The following ITGBL1 variants were observed in gnomAD, a reference collection of about 807,000 sequenced individuals.
ITGBL1 encodes the protein integrin subunit beta like 1.
Under a neutral mutation model 68.5 loss-of-function variants are expected in ITGBL1, and 51 were observed. That is an observed-to-expected ratio of 0.74 (90% CI 0.59 to 0.94). The LOEUF (loss-of-function observed/expected upper bound fraction) is 0.94. Among genes scored for constraint, ITGBL1 ranks in the 40% least tolerant of loss-of-function variants. The pLI is 0.00. For missense variants in ITGBL1, 649 were observed against 647.4 expected, an observed-to-expected ratio of 1.00 and a Z score of -0.03; for synonymous variants, 209 against 227.3, an observed-to-expected ratio of 0.92 and a Z score of 0.72.
intron 2 of ITGBL1, among the ~76,000 whole-genome samples, chr13:101,549,092 A>G (rs1208754318): frequency 1.3e-5 from 2 of 151,950 alleles, no homozygotes; most frequent in Non-Finnish European, 2.9e-5. Context: ...AGAGTTGAGA[A>G]AAAGATAAAT....
At chr13:101,474,976 A>C (rs1357496791) in intron 2 of ITGBL1, among the ~76,000 whole-genome samples, 2 of 152,172 alleles carry the variant, frequency 1.3e-5, no homozygotes, top group African/African-American at 4.8e-5. Flanking sequence ...ACAGATACAA[A>C]TAAGCCTGGA....
At chr13:101,453,853 C>T (rs1375366828) in intron 1 of ITGBL1, 30 bp from the exon 2 acceptor site, 4 of 1,228,142 alleles carry the variant, frequency 3.3e-6, no homozygotes, top group East Asian at 3.3e-5. Flanking sequence ...GCGTCTGACC[C>T]GGCCTGCCGG....
chr13:101,637,590 G>T (rs947249770), intron 7 of ITGBL1, among the ~76,000 whole-genome samples: 1 of 152,020 alleles, frequency 6.6e-6, no homozygotes, highest in African/African-American at 2.4e-5. Flanking sequence ...TGATTCACCC[G>T]CCTTGGCCTC....
chr13:101,717,596 C>A (rs767511135), downstream of ITGBL1: 1 of 152,098 alleles, frequency 6.6e-6, no homozygotes, highest in Non-Finnish European at 1.5e-5. Flanking sequence ...TCTATCACGG[C>A]GCTTATCCTC....
chr13:101,553,878 A>G (rs1046728774), intron 2 of ITGBL1, among the ~76,000 whole-genome samples: 5 of 151,956 alleles, frequency 3.3e-5, no homozygotes, highest in African/African-American at 1.2e-4. Flanking sequence ...AGGTTCAAGC[A>G]ATTCAACTGT....
chr13:101,652,896 G>C (rs2139457256), intron 7 of ITGBL1, among the ~76,000 whole-genome samples: 1 of 152,150 alleles, frequency 6.6e-6, no homozygotes, highest in Admixed American at 6.5e-5. Flanking sequence ...TCGAGAGTTT[G>C]AGACCAGCCT....
At chr13:101,614,729 A>G (rs1284748466) in intron 7 of ITGBL1, among the ~76,000 whole-genome samples, 1 of 152,126 alleles carries the variant, frequency 6.6e-6, no homozygotes, top group Non-Finnish European at 1.5e-5. Context: ...AGCCAAGGCG[A>G]GTTTAGCAGT....
At chr13:101,673,021 GCCA>G (rs1242195915) in intron 7 of ITGBL1, among the ~76,000 whole-genome samples, 2 of 152,274 alleles carry the variant, frequency 1.3e-5, no homozygotes, top group African/African-American at 4.8e-5. Flanking sequence ...TGATGTTTGA[GCCA>G]CACGGCAAGT....
chr13:101,699,692 C>T (rs1034261953), intron 8 of ITGBL1, among the ~76,000 whole-genome samples: 9 of 152,276 alleles, frequency 5.9e-5, no homozygotes, highest in Admixed American at 2.0e-4. Flanking sequence ...TCCAAATTAC[C>T]GAGTCTTGGG....
chr13:101,513,497 T>A (rs2049147680), intron 2 of ITGBL1, among the ~76,000 whole-genome samples: 1 of 152,130 alleles, frequency 6.6e-6, no homozygotes, highest in Admixed American at 6.6e-5. Context: ...TTGTTGTTGA[T>A]CATGATGATC....
chr13:101,572,297 T>A (rs1451606622), intron 3 of ITGBL1, among the ~76,000 whole-genome samples: 2 of 151,962 alleles, frequency 1.3e-5, no homozygotes, highest in Non-Finnish European at 2.9e-5. Context: ...AGGAGTTAAA[T>A]GGATTGGGGA....
At position 101,662,820 on chromosome 13, in the gene ITGBL1, T is replaced by C. The variant is rs537487734; in HGVS notation, c.1016-29765T>C. ...AATTATCTTGGAATAGTGAAAAAGATAGTCAATATTTTTTTTTCATATGTC... is the reference window on the plus strand; with the variant it reads ...AATTATCTTGGAATAGTGAAAAAGACAGTCAATATTTTTTTTTCATATGTC... On this transcript the variant is annotated intron_variant, in intron 7 of 10. Coordinates refer to ENST00000376180, the MANE Select transcript of ITGBL1 (RefSeq NM_004791.3). 5.5e-3 allele frequency among the ~76,000 whole-genome samples: 709 copies of C among 128,138 alleles called. 1 individual carries two copies. Among genetic ancestry groups the C allele is most frequent in the African/African-American group, 0.021 (670 of 32,014 alleles). The allele number at this position is 128,138 out of a possible 152,430, so 84.1% of individuals were successfully genotyped here.
intron 7 of ITGBL1, among the ~76,000 whole-genome samples, chr13:101,628,554 T>C (rs1337431232): frequency 6.6e-6 from 1 of 151,592 alleles, no homozygotes; most frequent in Admixed American, 6.6e-5. Context: ...TGCCTCAGCC[T>C]CCCGAGTAGC....
intron 3 of ITGBL1, among the ~76,000 whole-genome samples, chr13:101,568,508 T>A (rs1334188773): frequency 2.6e-5 from 4 of 152,084 alleles, no homozygotes; most frequent in Non-Finnish European, 4.4e-5. Flanking sequence ...TCAGATTTTC[T>A]CAACCGTGGT....
At chr13:101,602,552 G>C (rs148969363) in intron 7 of ITGBL1, among the ~76,000 whole-genome samples, 183 of 151,882 alleles carry the variant, frequency 1.2e-3, no homozygotes, top group African/African-American at 4.3e-3. Flanking sequence ...TTTATGTTGC[G>C]TTTTTCTTTT....
chr13:101,578,756 A>T (rs1262400854), intron 4 of ITGBL1, among the ~76,000 whole-genome samples: 1 of 152,226 alleles, frequency 6.6e-6, no homozygotes, highest in Admixed American at 6.5e-5. Flanking sequence ...GACTAGGCTG[A>T]AAACCTCTCT....
At chr13:101,466,909 C>T (rs1333389403) in intron 2 of ITGBL1, among the ~76,000 whole-genome samples, 1 of 152,012 alleles carries the variant, frequency 6.6e-6, no homozygotes, top group African/African-American at 2.4e-5. Flanking sequence ...AACAAGATAC[C>T]CTAGACTGAG....
intron 7 of ITGBL1, among the ~76,000 whole-genome samples, chr13:101,631,010 A>G (rs184186593): frequency 2.5e-4 from 38 of 152,306 alleles, no homozygotes; most frequent in Non-Finnish European, 5.9e-5. Flanking sequence ...CCAACTGATC[A>G]GACATATGTT....
chr13:101,588,524 C>T (rs145770749), intron 6 of ITGBL1, among the ~76,000 whole-genome samples: 34 of 152,150 alleles, frequency 2.2e-4, no homozygotes, highest in African/African-American at 7.9e-4. Flanking sequence ...GACAAACCAG[C>T]ATGGAAGCAT....
Sources: allele counts gnomAD v4.1 joint callset (sites outside exome capture counted in the v4.1 genomes callset), GRCh38; gene constraint gnomAD v4.1.1; transcripts MANE v1.5; gene names NCBI Gene and HGNC (gene_info 2026-07-23, HGNC 2026-07-21).